N4BP2: variants seen among roughly 807,000 people sequenced by gnomAD.
The protein encoded by N4BP2 is NEDD4 binding protein 2, also known as NEDD4-binding protein 2.
A neutral mutation model predicts 152.8 loss-of-function variants in N4BP2; 91 were observed. That is an observed-to-expected ratio of 0.60 (90% CI 0.50 to 0.71). The LOEUF is 0.71. Among genes scored for constraint, N4BP2 ranks in the 30% least tolerant of loss-of-function variants. N4BP2 has a pLI of 0.00. For synonymous variants in N4BP2, 646 were observed against 705.3 expected, an observed-to-expected ratio of 0.92 and a Z score of 1.33; for missense variants, 1,923 against 2,059.1, an observed-to-expected ratio of 0.93 and a Z score of 1.28.
At chr4:40,076,724 G>C (rs1352063583) in intron 2 of N4BP2, among the ~76,000 whole-genome samples, 1 of 152,130 alleles carries the variant, frequency 6.6e-6, no homozygotes, top group Non-Finnish European at 1.5e-5. Flanking sequence ...TCCTGACCTT[G>C]TGGTCCGCCC....
chr4:40,122,973 A>T (rs1718074671), intron 9 of N4BP2, among the ~76,000 whole-genome samples, 154 bp from the exon 10 acceptor site: 1 of 152,262 alleles, frequency 6.6e-6, no homozygotes, highest in African/African-American at 2.4e-5. Flanking sequence ...CATATAACAT[A>T]AATAGAAATA....
At chr4:40,178,495 T>C in the N4BP2 span, among the ~76,000 whole-genome samples, 32 of 152,144 alleles carry the variant, frequency 2.1e-4, no homozygotes, top group Admixed American at 1.1e-3. Context: ...ATGAAAGAGA[T>C]TGAAGAATTG....
chr4:40,096,646 G>A (rs1455157450), intron 2 of N4BP2, among the ~76,000 whole-genome samples: 1 of 152,184 alleles, frequency 6.6e-6, no homozygotes, highest in Non-Finnish European at 1.5e-5. Flanking sequence ...AGAGATAGGA[G>A]ACTTATAGTA....
chr4:40,075,684 C>T (rs2109906012), intron 2 of N4BP2, among the ~76,000 whole-genome samples: 1 of 152,102 alleles, frequency 6.6e-6, no homozygotes, highest in East Asian at 1.9e-4. Context: ...GCATGAGCCA[C>T]TGTGCCAGGC....
At chr4:40,183,337 A>ATT in the N4BP2 span, among the ~76,000 whole-genome samples, 2,328 of 139,988 alleles carry the variant, frequency 0.017, 48 homozygotes, top group African/African-American at 0.043. Flanking sequence ...TACTTTTTAC[A>ATT]TTTTTTTTTT....
intron 2 of N4BP2, among the ~76,000 whole-genome samples, chr4:40,095,148 A>G (rs1714994476): frequency 6.6e-6 from 1 of 151,566 alleles, no homozygotes; most frequent in Non-Finnish European, 1.5e-5. Flanking sequence ...TAATGGCGCT[A>G]TCTTGGCTCA....
chr4:40,174,694 C>T, the N4BP2 span, among the ~76,000 whole-genome samples: 2 of 151,778 alleles, frequency 1.3e-5, no homozygotes, highest in Admixed American at 6.6e-5. Context: ...CCCAGTTACT[C>T]GGGAGGCTGG....
At position 40,119,937 on chromosome 4, in the gene N4BP2, G is replaced by A; in HGVS notation, c.1826G>A (p.Arg609Lys). The A allele has an allele frequency of 4.4e-6, 6 of 1,371,174 alleles. No homozygotes were observed. Among genetic ancestry groups the A allele is most frequent in the Non-Finnish European group, 6.0e-6 (6 of 997,460 alleles). The allele number at this position is 1,371,174 out of a possible 1,614,324, so 84.9% of individuals were successfully genotyped here. A position where few individuals can be genotyped will look rare whatever the true frequency, so the allele number is the denominator to read the frequency against. ...TCTTTAAAATAATCTTACAGCCCAA[G>A]AGACGATGAAGATATTATCTCTGAA... ...YSCEDRSTSPRDDEDIISEKE... is the reference protein window; with the variant it reads ...YSCEDRSTSPKDDEDIISEKE... Residue 609 changes from arginine to lysine, a missense_variant, in exon 9 of 18, where the codon AGA becomes AAA. Coordinates refer to ENST00000261435, the MANE Select transcript of N4BP2 (RefSeq NM_018177.6).
chr4:40,061,757 C>T (rs1324877179), intron 1 of N4BP2, among the ~76,000 whole-genome samples: 1 of 148,502 alleles, frequency 6.7e-6, no homozygotes, highest in Non-Finnish European at 1.5e-5. Context: ...CTCCGCCTAC[C>T]ACATTCAAGT....
At chr4:40,150,725 T>A (rs1311270273) in intron 16 of N4BP2, among the ~76,000 whole-genome samples, 1 of 151,058 alleles carries the variant, frequency 6.6e-6, no homozygotes, top group African/African-American at 2.4e-5. Flanking sequence ...TTTTTTTCAA[T>A]AAATTGTAAA....
chr4:40,154,308 C>T lies in N4BP2; in HGVS notation c.*71C>T. On this transcript the variant is annotated 3_prime_UTR_variant, in exon 18 of 18. Coordinates refer to ENST00000261435, the MANE Select transcript of N4BP2 (RefSeq NM_018177.6). The stretch of plus-strand genomic sequence containing the variant: ...TTACTTTTATTTGCAGTAATTCAGT[C>T]AATTCTACCCTAAAGATGTGTTTTA... 2.2e-6 allele frequency: 2 copies of T among 892,200 alleles called. 1 individual carries two copies. Among genetic ancestry groups the T allele is most frequent in the South Asian group, 3.1e-5 (2 of 64,746 alleles). 55.3% of individuals were successfully genotyped at this position (892,200 alleles called of 1,614,324 possible).
chr4:40,145,105 C>T (rs1439160653), intron 16 of N4BP2, among the ~76,000 whole-genome samples: 1 of 152,050 alleles, frequency 6.6e-6, no homozygotes, highest in Admixed American at 6.6e-5. Flanking sequence ...TATCTTTGTC[C>T]AATAGACATT....
At chr4:40,137,483 A>G (rs1227357664) in intron 14 of N4BP2, among the ~76,000 whole-genome samples, 1 of 152,238 alleles carries the variant, frequency 6.6e-6, no homozygotes, top group Non-Finnish European at 1.5e-5. Flanking sequence ...TATGAGGGTT[A>G]CAATTTCTCC....
intron 7 of N4BP2, among the ~76,000 whole-genome samples, chr4:40,114,037 A>G (rs903102881): frequency 1.3e-5 from 2 of 152,228 alleles, no homozygotes; most frequent in African/African-American, 4.8e-5. Context: ...GTACGGATAT[A>G]GAGATGGAAA....
In N4BP2 at chr4:40,102,680, T is replaced by G. The variant is rs773229185; in HGVS notation, c.835T>G (p.Phe279Val). 12 of 1,614,172 alleles carry G rather than the reference T, an allele frequency of 7.4e-6. No homozygotes were observed. The highest frequency in any genetic ancestry group is 1.7e-5 in the Admixed American group (1 of 60,016). The change falls in exon 4 of 18, where the codon TTC (phenylalanine) becomes GTC (valine). Residue 279 changes from phenylalanine (F) to valine (V), a missense_variant. Coordinates refer to ENST00000261435, the MANE Select transcript of N4BP2 (RefSeq NM_018177.6). ...AGAATCTGAGTGCGTTGAGGCTCAA[T>G]TCTCTGAAGCTCCTGTAGATTTGGA... Reference protein sequence around the residue: ...LLESECVEAQFSEAPVDLDAS... With the variant: ...LLESECVEAQVSEAPVDLDAS...
Position 40,103,207 on chromosome 4 carries a change from T to G in N4BP2, c.1362T>G (p.Ser454=). ...GAGGTCTTCCGGGATCTGGAAAATC[T>G]TTTTTGGCAAGGTATGAGGTTTGAT... ...LLRGLPGSGK[S]FLARTLQEDN... The change falls in exon 4 of 18, where the codon TCT becomes TCG. Residue 454 remains serine, a synonymous_variant. Transcript: ENST00000261435. 1 of 1,603,448 alleles carries G rather than the reference T, an allele frequency of 6.2e-7. No homozygotes were observed. The highest frequency in any genetic ancestry group is 8.5e-7 in the Non-Finnish European group (1 of 1,175,238).
chr4:40,120,860 A>C lies in N4BP2; in HGVS notation c.2749A>C (p.Lys917Gln). ...CAACCTAGAAATTGGAACAAATGAC[A>C]AAATGAATGAAATATCCTTATCTAC... ...EPNLEIGTND[K>Q]MNEISLSTAH... is the part of the protein sequence containing the mutation. The change falls in exon 9 of 18, where the codon AAA becomes CAA. Residue 917 changes from lysine (K) to glutamine (Q), a missense_variant. Lys to Gln is a moderately conservative substitution (Grantham distance 53, BLOSUM62 1). Coordinates refer to ENST00000261435, the MANE Select transcript of N4BP2 (RefSeq NM_018177.6). The C allele has an allele frequency of 6.2e-7, 1 of 1,614,168 alleles. No individual in the cohort carries two copies.
rs776300347 is a variant in N4BP2, at chr4:40,121,295, G to A, written c.3184G>A (p.Val1062Ile). The A allele has an allele frequency of 4.3e-6, 7 of 1,613,672 alleles. No individual in the cohort carries two copies. The highest frequency in any genetic ancestry group is 1.6e-4 in the Middle Eastern group (1 of 6,082). The change falls in exon 9 of 18, where the codon GTT becomes ATT. Residue 1062 changes from valine to isoleucine, a missense_variant. Coordinates refer to ENST00000261435, the MANE Select transcript of N4BP2 (RefSeq NM_018177.6). Reference protein sequence around the residue: ...KVFNINTKSDVQEAIPYRVMY... With the variant: ...KVFNINTKSDIQEAIPYRVMY... ...TTTCAATATTAACACAAAATCAGAC[G>A]TTCAAGAAGCAATTCCATATAGAGT...
intron 1 of N4BP2, among the ~76,000 whole-genome samples, chr4:40,071,395 A>G (rs1041878381): frequency 1.3e-5 from 2 of 152,092 alleles, no homozygotes; most frequent in Admixed American, 6.6e-5. Context: ...TGTACTTCCT[A>G]CTGTTTCTAG....
Sources: allele counts gnomAD v4.1 joint callset (sites outside exome capture counted in the v4.1 genomes callset), GRCh38; gene constraint gnomAD v4.1.1; transcripts MANE v1.5; gene names NCBI Gene and HGNC (gene_info 2026-07-23, HGNC 2026-07-21).